PDZRN4: variants seen among roughly 807,000 people sequenced by gnomAD.
The protein encoded by PDZRN4 is PDZ domain-containing RING finger protein 4.
Under a neutral mutation model 99.0 loss-of-function variants are expected in PDZRN4, and 70 were observed. That is an observed-to-expected ratio of 0.71 (90% CI 0.58 to 0.86). The LOEUF (loss-of-function observed/expected upper bound fraction) is 0.86. Ranked by LOEUF, PDZRN4 falls within the 40% of genes least tolerant of loss-of-function variation. PDZRN4 has a pLI of 0.00. For synonymous variants in PDZRN4, 551 were observed against 501.6 expected (o/e 1.10, Z -1.32); for missense variants, 1,474 against 1,331.2 (o/e 1.11, Z -1.67).
At chr12:41,211,766 AG>A (rs1217042170) in intron 3 of PDZRN4, among the ~76,000 whole-genome samples, 1 of 152,010 alleles carries the variant, frequency 6.6e-6, no homozygotes, top group Non-Finnish European at 1.5e-5. Context: ...GCAAAATAAA[AG>A]CCACTTATAC....
intron 3 of PDZRN4, among the ~76,000 whole-genome samples, chr12:41,270,285 T>G (rs201173978): frequency 2.1e-5 from 2 of 96,132 alleles, no homozygotes. Flanking sequence ...TCTGTGTGTG[T>G]GGTGTGTGTG....
intron 3 of PDZRN4, among the ~76,000 whole-genome samples, chr12:41,297,717 A>C (rs1470689231): frequency 6.6e-6 from 1 of 152,096 alleles, no homozygotes; most frequent in Non-Finnish European, 1.5e-5. Context: ...TCTCCAGCCA[A>C]CCCCAGTGGA....
chr12:41,321,907 G>A (rs1951680464), intron 3 of PDZRN4, among the ~76,000 whole-genome samples: 1 of 151,902 alleles, frequency 6.6e-6, no homozygotes. Flanking sequence ...CCTTCATTTA[G>A]GTGGATATGT....
chr12:41,271,238 GA>G (rs5797722), intron 3 of PDZRN4, among the ~76,000 whole-genome samples: 85,113 of 151,664 alleles, frequency 0.56, 25,851 homozygotes, highest in East Asian at 0.7. Context: ...ACAAAATAGA[GA>G]CAGGATACAT....
At chr12:41,243,202 G>A (rs756080994) in intron 3 of PDZRN4, among the ~76,000 whole-genome samples, 3 of 152,124 alleles carry the variant, frequency 2.0e-5, no homozygotes, top group Non-Finnish European at 4.4e-5. Flanking sequence ...GATTGCATAT[G>A]GAGTGAAAAG....
At chr12:41,487,512 A>G (rs992159177) in intron 3 of PDZRN4, among the ~76,000 whole-genome samples, 2 of 152,214 alleles carry the variant, frequency 1.3e-5, no homozygotes, top group Admixed American at 1.3e-4. Flanking sequence ...TTGAAACACT[A>G]TAAACAGAGA....
In PDZRN4 at chr12:41,573,453, A is replaced by G; in HGVS notation, c.2674A>G (p.Lys892Glu). Residue 892 changes from lysine (K) to glutamate (E), a missense_variant, in exon 10 of 10, where the codon AAA (lysine) becomes GAA (glutamate). Transcript: ENST00000402685. ...CSEPKMEWKV[K>E]IRSDGTRYIT... ...AGAGCCCAAGATGGAATGGAAGGTGAAAATTAGGAGCGACGGGACACGGTA... is the reference window on the plus strand; with the variant it reads ...AGAGCCCAAGATGGAATGGAAGGTGGAAATTAGGAGCGACGGGACACGGTA... 1 of 1,613,954 alleles carries G rather than the reference A, an allele frequency of 6.2e-7. No homozygotes were observed. Among genetic ancestry groups the G allele is most frequent in the East Asian group, 2.2e-5 (1 of 44,840 alleles).
intron 5 of PDZRN4, among the ~76,000 whole-genome samples, chr12:41,514,000 A>T (rs1056664515): frequency 6.6e-6 from 1 of 152,074 alleles, no homozygotes; most frequent in African/African-American, 2.4e-5. Flanking sequence ...AATCATTTTT[A>T]CTTCTCCCTC....
At chr12:41,442,686 G>T (rs1472712183) in intron 3 of PDZRN4, among the ~76,000 whole-genome samples, 1 of 152,140 alleles carries the variant, frequency 6.6e-6, no homozygotes, top group Non-Finnish European at 1.5e-5. Context: ...TGAGGGTTCA[G>T]TTAGGTTTTT....
chr12:41,398,466 T>A (rs1028228560), intron 3 of PDZRN4, among the ~76,000 whole-genome samples: 5 of 152,074 alleles, frequency 3.3e-5, no homozygotes, highest in Non-Finnish European at 7.4e-5. Flanking sequence ...GACCTTGATC[T>A]GTTCTCCCTT....
intron 3 of PDZRN4, among the ~76,000 whole-genome samples, chr12:41,454,593 C>A (rs1322698831): frequency 6.6e-5 from 10 of 152,128 alleles, no homozygotes; most frequent in Non-Finnish European, 1.5e-4. Context: ...TTGAGGGAGA[C>A]AGGAAAGTAA....
rs528908187 is a variant in PDZRN4 at position 41,421,767 on chromosome 12, A to G, written c.844-84689A>G. The stretch of plus-strand genomic sequence containing the variant: ...CTTCTACTAACAATTTTTCTTTCTC[A>G]GCCCCTCCATTTCTGTCTGCTAAAT... On this transcript the variant is annotated intron_variant, in intron 3 of 9. Coordinates refer to ENST00000402685, the MANE Select transcript of PDZRN4 (RefSeq NM_001164595.2). Among the ~76,000 whole-genome samples, 7 of 152,188 alleles carry G rather than the reference A, an allele frequency of 4.6e-5. No homozygotes were observed. In the East Asian group the frequency reaches 1.4e-3, roughly 29 times the overall value.
chr12:41,462,580 G>T (rs1952882570), intron 3 of PDZRN4, among the ~76,000 whole-genome samples: 5 of 152,124 alleles, frequency 3.3e-5, no homozygotes, highest in Admixed American at 2.6e-4. Flanking sequence ...TCTTTAGGAA[G>T]ACCTAGGAAG....
intron 3 of PDZRN4, among the ~76,000 whole-genome samples, chr12:41,233,114 C>A (rs138954363): frequency 5.4e-4 from 82 of 152,098 alleles, no homozygotes; most frequent in African/African-American, 1.9e-3. Flanking sequence ...ACAACCCCAT[C>A]AAAGTGGGTG....
At chr12:41,306,162 G>T (rs1951567832) in intron 3 of PDZRN4, among the ~76,000 whole-genome samples, 1 of 152,160 alleles carries the variant, frequency 6.6e-6, no homozygotes, top group Non-Finnish European at 1.5e-5. Flanking sequence ...GCCCACTAGG[G>T]TGGCAACATT....
intron 3 of PDZRN4, among the ~76,000 whole-genome samples, chr12:41,223,469 A>G (rs1247034805): frequency 1.3e-5 from 2 of 152,152 alleles, no homozygotes; most frequent in African/African-American, 2.4e-5. Context: ...GATGAATAAC[A>G]TATACCTCTT....
intron 5 of PDZRN4, among the ~76,000 whole-genome samples, chr12:41,512,549 G>C (rs1268579921): frequency 2.0e-5 from 3 of 151,990 alleles, no homozygotes; most frequent in African/African-American, 7.2e-5. Flanking sequence ...GTGAGAGAGT[G>C]GAAGGGGTGA....
intron 1 of PDZRN4, among the ~76,000 whole-genome samples, chr12:41,190,345 C>T (rs1003073303): frequency 6.6e-6 from 1 of 152,080 alleles, no homozygotes; most frequent in African/African-American, 2.4e-5. Context: ...TATACATATA[C>T]GCATATATAC....
At chr12:41,525,635 C>T (rs963996267) in intron 5 of PDZRN4, among the ~76,000 whole-genome samples, 3 of 151,994 alleles carry the variant, frequency 2.0e-5, no homozygotes, top group Non-Finnish European at 2.9e-5. Context: ...TTATATATCT[C>T]TATTCCATCA....
Sources: gnomAD v4.1 joint callset for allele counts (sites outside exome capture counted in the v4.1 genomes callset) on GRCh38, gnomAD v4.1.1 for gene constraint, MANE v1.5 for transcripts, NCBI Gene and HGNC (gene_info 2026-07-23, HGNC 2026-07-21) for gene names.